Variants in IRAK2 observed in about 807,000 individuals in gnomAD.
The protein encoded by IRAK2 is interleukin 1 receptor associated kinase 2, also known as interleukin-1 receptor-associated kinase-like 2.
In IRAK2, 57 loss-of-function variants were observed where a neutral mutation model predicts 72.0. The ratio of observed to expected loss-of-function variants is 0.79; its 90% CI spans 0.64 to 0.99. IRAK2 has a LOEUF of 0.99. Ranked by LOEUF, IRAK2 falls within the 50% of genes least tolerant of loss-of-function variation. The pLI is 0.00. For missense variants in IRAK2, 790 were observed against 794.4 expected (o/e 0.99, Z 0.07); for synonymous variants, 293 against 312.7 (o/e 0.94, Z 0.67).
chr3:10,232,716 C>T (rs1697878865), intron 10 of IRAK2, among the ~76,000 whole-genome samples: 2 of 152,024 alleles, frequency 1.3e-5, no homozygotes, highest in Non-Finnish European at 2.9e-5. Flanking sequence ...GAAAATAATA[C>T]ACTTCTACTG....
intron 3 of IRAK2, among the ~76,000 whole-genome samples, chr3:10,206,477 G>A (rs1697435756): frequency 1.3e-5 from 2 of 152,238 alleles, no homozygotes; most frequent in Non-Finnish European, 2.9e-5. Context: ...TGTCTCAGGT[G>A]ATTTCATGTT....
Position 10,164,930 on chromosome 3 carries a change from G to A in IRAK2, c.-25G>A. 1 of 1,564,730 alleles carries A rather than the reference G, an allele frequency of 6.4e-7. No homozygotes were observed. ...GCAGTGTCCGACCCAGTCGTCCCGC[G>A]CCGGAGCCGGCCCCGTAGCGTGCCA... On this transcript the variant is annotated 5_prime_UTR_variant, in exon 1 of 13. Coordinates refer to ENST00000256458, the MANE Select transcript of IRAK2 (RefSeq NM_001570.4).
intron 2 of IRAK2, among the ~76,000 whole-genome samples, chr3:10,180,255 G>C (rs1347605843): frequency 2.0e-5 from 3 of 152,080 alleles, no homozygotes; most frequent in Admixed American, 2.0e-4. Flanking sequence ...TCTTCTGCAT[G>C]TACTTAACTG....
intron 8 of IRAK2, 96 bp downstream of exon 8, chr3:10,219,885 G>A: frequency 2.5e-6 from 2 of 784,594 alleles, no homozygotes; most frequent in Non-Finnish European, 4.4e-6. Context: ...ACTCACCCCT[G>A]TCCTCTTTGT....
rs149042910 is a variant in IRAK2, at chr3:10,236,189, G to A, written c.1473+1530G>A. 2.2e-3 allele frequency among the ~76,000 whole-genome samples: 339 copies of A among 152,104 alleles called. 3 individuals are homozygous for A. The highest frequency in any genetic ancestry group is 7.7e-3 in the African/African-American group (321 of 41,492). ...CCTGCAAATGGCCTGAGCTGAGAGAGAGCTCAGCACGTTCAAGGGCCTGGA... is the reference window on the plus strand; with the variant it reads ...CCTGCAAATGGCCTGAGCTGAGAGAAAGCTCAGCACGTTCAAGGGCCTGGA... On this transcript the variant is annotated intron_variant, in intron 11 of 12. Transcript: ENST00000256458.
At chr3:10,212,793 C>T (rs1224789370) in intron 4 of IRAK2, among the ~76,000 whole-genome samples, 1 of 131,094 alleles carries the variant, frequency 7.6e-6, no homozygotes, top group Non-Finnish European at 1.6e-5. Flanking sequence ...GAGACAGAGT[C>T]TCGCTCTGTC....
intron 2 of IRAK2, among the ~76,000 whole-genome samples, chr3:10,179,543 C>A (rs1016842608): frequency 1.3e-5 from 2 of 151,978 alleles, no homozygotes; most frequent in Admixed American, 1.3e-4. Flanking sequence ...AAGTGATTCT[C>A]CTGCCTCAGC....
At chr3:10,198,070 G>T (rs924722323) in intron 2 of IRAK2, among the ~76,000 whole-genome samples, 2 of 151,610 alleles carry the variant, frequency 1.3e-5, no homozygotes, top group African/African-American at 2.4e-5. Flanking sequence ...GTGCTGGTGG[G>T]CGCCTGTAGT....
intron 1 of IRAK2, among the ~76,000 whole-genome samples, chr3:10,175,890 CAAAAAA>C (rs59718922): frequency 5.6e-5 from 3 of 53,696 alleles, no homozygotes; most frequent in Non-Finnish European, 1.1e-4. Context: ...GACTCCGTCT[CAAAAAA>C]AAAAAAAAAA....
chr3:10,165,166 C>T, intron 1 of IRAK2, 118 bp downstream of exon 1: 1 of 835,614 alleles, frequency 1.2e-6, no homozygotes, highest in Non-Finnish European at 1.9e-6. Context: ...GATCCGAGGG[C>T]GTGCGAGCTG....
chr3:10,178,652 A>C (rs530755452), intron 2 of IRAK2, among the ~76,000 whole-genome samples: 1 of 152,292 alleles, frequency 6.6e-6, no homozygotes, highest in African/African-American at 2.4e-5. Context: ...GCTATAACAA[A>C]AATTCAAAAA....
chr3:10,229,385 G>T (rs1007447555), intron 10 of IRAK2, among the ~76,000 whole-genome samples: 1 of 152,200 alleles, frequency 6.6e-6, no homozygotes. Context: ...AAATTGTGAG[G>T]ATTACAGGTG....
intron 2 of IRAK2, among the ~76,000 whole-genome samples, chr3:10,197,978 T>C (rs1272538830): frequency 6.6e-6 from 1 of 150,828 alleles, no homozygotes; most frequent in African/African-American, 2.4e-5. Context: ...GGAGGGCGGA[T>C]CATGACGTCA....
chr3:10,225,884 A>G (rs1697767662), intron 9 of IRAK2, among the ~76,000 whole-genome samples: 2 of 152,050 alleles, frequency 1.3e-5, no homozygotes, highest in African/African-American at 4.8e-5. Flanking sequence ...TATCTTTAGT[A>G]GAGACGGGGT....
chr3:10,212,396 C>A (rs551775331), intron 4 of IRAK2, among the ~76,000 whole-genome samples: 1 of 151,922 alleles, frequency 6.6e-6, no homozygotes, highest in Non-Finnish European at 1.5e-5. Flanking sequence ...CCAGGGAAGT[C>A]AAAAATTGGA....
At chr3:10,239,754 G>A (rs1698023680) in intron 12 of IRAK2, among the ~76,000 whole-genome samples, 2 of 151,988 alleles carry the variant, frequency 1.3e-5, no homozygotes, top group East Asian at 1.9e-4. Context: ...AAAACTCAAT[G>A]CATGTCATCC....
chr3:10,240,339 C>T (rs1188882149), intron 12 of IRAK2, among the ~76,000 whole-genome samples: 1 of 151,142 alleles, frequency 6.6e-6, no homozygotes. Flanking sequence ...CACCTGTAGT[C>T]CCAGCTACTT....
intron 10 of IRAK2, among the ~76,000 whole-genome samples, chr3:10,232,218 A>G (rs1354850721): frequency 6.6e-6 from 1 of 152,222 alleles, no homozygotes; most frequent in Non-Finnish European, 1.5e-5. Flanking sequence ...TGCATAGACT[A>G]GGTCATTTGC....
intron 3 of IRAK2, among the ~76,000 whole-genome samples, chr3:10,206,241 G>A (rs1340725723): frequency 1.3e-5 from 2 of 152,174 alleles, no homozygotes; most frequent in East Asian, 3.8e-4. Flanking sequence ...TATCTGCCTA[G>A]TGTACCCTCT....
Sources: gnomAD v4.1 joint callset for allele counts (sites outside exome capture counted in the v4.1 genomes callset) on GRCh38, gnomAD v4.1.1 for gene constraint, MANE v1.5 for transcripts, NCBI Gene and HGNC (gene_info 2026-07-23, HGNC 2026-07-21) for gene names.